Variants in DLG2 observed in about 807,000 individuals in gnomAD.
The protein encoded by DLG2 is disks large homolog 2.
A neutral mutation model predicts 132.5 loss-of-function variants in DLG2; 45 were observed. That is an observed-to-expected ratio of 0.34 (90% confidence interval 0.27 to 0.44). The LOEUF (loss-of-function observed/expected upper bound fraction) is 0.44. Among genes scored for constraint, DLG2 ranks in the 20% least tolerant of loss-of-function variants. The pLI, the probability that DLG2 is intolerant of heterozygous loss-of-function variation, is 1.00. For synonymous variants in DLG2, 424 were observed against 419.6 expected, an observed-to-expected ratio of 1.01 and a Z score of -0.13; for missense variants, 1,045 against 1,196.9, an observed-to-expected ratio of 0.87 and a Z score of 1.87.
intron 11 of DLG2, among the ~76,000 whole-genome samples, chr11:83,983,182 CTCTT>C (rs1488517441): frequency 2.0e-5 from 3 of 152,064 alleles, no homozygotes; most frequent in African/African-American, 4.8e-5. Context: ...TTTTAAAAAT[CTCTT>C]TCAGAATATG....
chr11:83,883,844 A>G (rs1326739852), intron 15 of DLG2, among the ~76,000 whole-genome samples: 1 of 152,132 alleles, frequency 6.6e-6, no homozygotes, highest in Non-Finnish European at 1.5e-5. Context: ...CATTCTTCAC[A>G]AAGAAAATGA....
At chr11:84,062,516 T>C (rs1361680258) in intron 10 of DLG2, among the ~76,000 whole-genome samples, 1 of 152,210 alleles carries the variant, frequency 6.6e-6, no homozygotes, top group African/African-American at 2.4e-5. Context: ...AAATTTAAAC[T>C]TTTAAAGGAC....
chr11:85,272,839 C>A (rs1020370910), intron 4 of DLG2, among the ~76,000 whole-genome samples: 10 of 152,088 alleles, frequency 6.6e-5, no homozygotes, highest in Non-Finnish European at 1.2e-4. Flanking sequence ...CATCAAGCTA[C>A]CTGACTTCAA....
chr11:84,131,117 AAACAT>A (rs1169234448), intron 9 of DLG2, among the ~76,000 whole-genome samples: 3 of 151,988 alleles, frequency 2.0e-5, no homozygotes, highest in Non-Finnish European at 4.4e-5. Context: ...GGATTAGAGA[AAACAT>A]AAGTGGTAAA....
intron 3 of DLG2, among the ~76,000 whole-genome samples, chr11:85,462,216 G>A (rs2092638561): frequency 1.3e-5 from 2 of 152,204 alleles, no homozygotes; most frequent in Non-Finnish European, 2.9e-5. Flanking sequence ...CGGTAAACTA[G>A]TTCATCCTTT....
chr11:84,793,549 C>A (rs2074163442), intron 6 of DLG2, among the ~76,000 whole-genome samples: 1 of 152,142 alleles, frequency 6.6e-6, no homozygotes. Context: ...TTATTTAGCT[C>A]TGATGAATAT....
intron 18 of DLG2, among the ~76,000 whole-genome samples, chr11:83,638,973 G>A (rs2065624342): frequency 6.6e-6 from 1 of 152,222 alleles, no homozygotes; most frequent in African/African-American, 2.4e-5. Flanking sequence ...TTAAGGGTAA[G>A]TAAGGCGACT....
At chr11:83,969,418 T>G (rs1040428911) in intron 12 of DLG2, among the ~76,000 whole-genome samples, 2 of 152,200 alleles carry the variant, frequency 1.3e-5, no homozygotes, top group Admixed American at 1.3e-4. Flanking sequence ...TGCATCATCC[T>G]AATACACTGA....
intron 6 of DLG2, among the ~76,000 whole-genome samples, chr11:85,006,239 C>T (rs1031083183): frequency 6.6e-6 from 1 of 152,140 alleles, no homozygotes; most frequent in African/African-American, 2.4e-5. Context: ...ATGCTGTCCT[C>T]ATAAAATTAG....
chr11:84,265,356 T>C (rs1162675941), intron 7 of DLG2, among the ~76,000 whole-genome samples: 1 of 152,150 alleles, frequency 6.6e-6, no homozygotes, highest in African/African-American at 2.4e-5. Flanking sequence ...TGCTAAAAAG[T>C]TATATATAAC....
In DLG2 at chr11:83,997,233, A is replaced by G. The variant is rs903029805; in HGVS notation, c.920-16591T>C. The stretch of plus-strand genomic sequence containing the variant: ...AAAACCTTTTATGCTCAATTCAGGC[A>G]TTCTATTACTACACATTTCAAGTGA... On this transcript the variant is annotated intron_variant, in intron 11 of 27. Coordinates refer to ENST00000376104, the MANE Select transcript of DLG2 (RefSeq NM_001142699.3). 2.6e-5 allele frequency among the ~76,000 whole-genome samples: 4 copies of G among 152,162 alleles called. No individual in the cohort carries two copies. In the East Asian group the frequency reaches 5.8e-4, roughly 22 times the overall value.
chr11:83,775,489 C>T (rs1378915742), intron 18 of DLG2, among the ~76,000 whole-genome samples: 2 of 152,136 alleles, frequency 1.3e-5, no homozygotes. Flanking sequence ...ACCTATATCA[C>T]AAGTTTTTGC....
At chr11:85,153,399 T>C (rs1224099098) in intron 5 of DLG2, among the ~76,000 whole-genome samples, 1 of 152,214 alleles carries the variant, frequency 6.6e-6, no homozygotes, top group Non-Finnish European at 1.5e-5. Context: ...CCCATTTTTG[T>C]GCTGATACCA....
At chr11:84,353,869 T>C (rs1022422747) in intron 7 of DLG2, among the ~76,000 whole-genome samples, 3 of 152,164 alleles carry the variant, frequency 2.0e-5, no homozygotes, top group Non-Finnish European at 4.4e-5. Context: ...ATCATTAACA[T>C]TCTCACTCAG....
At chr11:84,599,857 C>T (rs2099571588) in intron 6 of DLG2, among the ~76,000 whole-genome samples, 1 of 151,818 alleles carries the variant, frequency 6.6e-6, no homozygotes. Context: ...CATGGCAAAA[C>T]CCCATCTCTA....
intron 21 of DLG2, among the ~76,000 whole-genome samples, chr11:83,488,885 C>T (rs1241124377): frequency 6.6e-6 from 1 of 151,786 alleles, no homozygotes; most frequent in African/African-American, 2.4e-5. Flanking sequence ...ACTTTGAAAA[C>T]AAGTGAGGTA....
chr11:85,126,956 G>A (rs1047366917), intron 5 of DLG2, among the ~76,000 whole-genome samples: 2 of 152,170 alleles, frequency 1.3e-5, no homozygotes, highest in African/African-American at 4.8e-5. Flanking sequence ...ACAGGTATAA[G>A]AATGGGCAAC....
At chr11:84,029,773 T>C (rs2095642070) in intron 11 of DLG2, among the ~76,000 whole-genome samples, 1 of 152,126 alleles carries the variant, frequency 6.6e-6, no homozygotes, top group Admixed American at 6.6e-5. Context: ...CATGCTCTTT[T>C]CTACTTTGGG....
intron 5 of DLG2, among the ~76,000 whole-genome samples, chr11:85,145,616 C>T (rs982467324): frequency 3.3e-5 from 5 of 151,940 alleles, no homozygotes; most frequent in South Asian, 2.1e-4. Flanking sequence ...TTCAGAGATT[C>T]GAAAGCATTT....
Sources: gnomAD v4.1 joint callset for allele counts (sites outside exome capture counted in the v4.1 genomes callset) on GRCh38, gnomAD v4.1.1 for gene constraint, MANE v1.5 for transcripts, NCBI Gene and HGNC (gene_info 2026-07-23, HGNC 2026-07-21) for gene names.